The following WDR3 variants were observed in gnomAD, a reference collection of about 807,000 sequenced individuals.
WDR3 encodes the protein WD repeat domain 3, also known as WD repeat-containing protein 3.
Under a neutral mutation model 123.7 loss-of-function variants are expected in WDR3, and 81 were observed. The ratio of observed to expected loss-of-function variants is 0.65; its 90% CI spans 0.55 to 0.79. The LOEUF (loss-of-function observed/expected upper bound fraction) is 0.79. WDR3 is among the 30% of genes least tolerant of loss of function. The pLI is 0.00. For missense variants in WDR3, 1,027 were observed against 1,123.2 expected (o/e 0.91, Z 1.22); for synonymous variants, 390 against 388.8 (o/e 1.00, Z -0.04).
chr1:117,946,356 AT>A (rs1204716151), intron 12 of WDR3, among the ~76,000 whole-genome samples, 177 bp downstream of exon 12: 2 of 152,216 alleles, frequency 1.3e-5, no homozygotes, highest in Non-Finnish European at 2.9e-5. Flanking sequence ...TTTAAAAATT[AT>A]GAAGAAGAAA....
rs192519081 is a variant in WDR3 at position 117,942,591 on chromosome 1, A to G, written c.1097+47A>G. 1,110 of 1,540,626 alleles carry G rather than the reference A, an allele frequency of 7.2e-4. 9 individuals carry two copies. In the African/African-American group the frequency reaches 0.013, roughly 19 times the overall value. On this transcript the variant is annotated intron_variant, in intron 10 of 26. Transcript: ENST00000349139. ...GAAGTTATAGAAATAGTAAGCTACC[A>G]AGTATTATTGGCTTTTTCATGCTAT...
rs1557826241 is a variant in WDR3, at chr1:117,954,628, G to A, written c.2409+1G>A. The A allele has an allele frequency of 1.2e-6, 2 of 1,612,094 alleles. No homozygotes were observed. Among genetic ancestry groups the A allele is most frequent in the South Asian group, 2.2e-5 (2 of 90,724 alleles). The stretch of plus-strand genomic sequence containing the variant: ...CCTAATGGCTTATGGCAGTATCTCA[G>A]TGAGTAAAATGTCTAACGGTTTTCC... On this transcript the variant is annotated splice_donor_variant, in intron 23 of 26. Coordinates refer to ENST00000349139, the MANE Select transcript of WDR3 (RefSeq NM_006784.3). LOFTEE classifies it high-confidence loss of function.
At chr1:117,955,386 G>A (rs1210309506) in intron 24 of WDR3, 28 bp downstream of exon 24, 11 of 1,607,160 alleles carry the variant, frequency 6.8e-6, no homozygotes, top group Middle Eastern at 1.7e-4. Flanking sequence ...CACAATTTTT[G>A]TAATCTGTCA....
At chr1:117,957,340 G>A in intron 25 of WDR3, 144 bp downstream of exon 25, 1 of 1,058,434 alleles carries the variant, frequency 9.4e-7, no homozygotes, top group Non-Finnish European at 1.3e-6. Context: ...ACTTTGGGAG[G>A]CTGAGGTGGG....
At chr1:117,932,175 G>A (rs1441904481) in intron 1 of WDR3, among the ~76,000 whole-genome samples, 1 of 152,178 alleles carries the variant, frequency 6.6e-6, no homozygotes, top group African/African-American at 2.4e-5. Flanking sequence ...GTGGATTATG[G>A]ATTTTCAGTG....
chr1:117,950,029 G>C lies in WDR3; in HGVS notation c.1645G>C (p.Asp549His). 4 of 1,613,968 alleles carry C rather than the reference G, an allele frequency of 2.5e-6. No homozygotes were observed. Among genetic ancestry groups the C allele is most frequent in the South Asian group, 1.1e-5 (1 of 91,072 alleles). Residue 549 changes from aspartate (D) to histidine (H), a missense_variant, in exon 15 of 27, where the codon GAT (aspartate) becomes CAT (histidine). Physicochemically the swap from Asp to His is moderately conservative, Grantham distance 81 (BLOSUM62 -1). Coordinates refer to ENST00000349139, the MANE Select transcript of WDR3 (RefSeq NM_006784.3). ...GAAGCAAACCCGAACTTTGCAACTA[G>C]ATGAAGATGTTCTGTGTGTCAGTTA... ...SVKQTRTLQL[D>H]EDVLCVSYSP...
Position 117,959,322 on chromosome 1 carries a change from G to A in WDR3, c.2707G>A (p.Asp903Asn), listed in dbSNP as rs772509172. 6.2e-7 allele frequency: 1 copy of A among 1,612,820 alleles called. No homozygotes were observed. The highest frequency in any genetic ancestry group is 2.2e-5 in the East Asian group (1 of 44,842). Reference protein sequence around the residue: ...DVIGFNMAGLDYLKRECEAKS... With the variant: ...DVIGFNMAGLNYLKRECEAKS... ...TATCGGCTTCAATATGGCTGGTCTT[G>A]ATTATCTCAAGAGGGAATGCGAGGC... The change falls in exon 27 of 27, where the codon GAT (aspartate) becomes AAT (asparagine). Residue 903 changes from aspartate to asparagine, a missense_variant. Coordinates refer to ENST00000349139, the MANE Select transcript of WDR3 (RefSeq NM_006784.3).
At chr1:117,930,864 G>A (rs1438657040) in intron 1 of WDR3, among the ~76,000 whole-genome samples, 2 of 152,216 alleles carry the variant, frequency 1.3e-5, no homozygotes, top group Admixed American at 1.3e-4. Context: ...CTTTGAGTTA[G>A]CAATTTGCCA....
At chr1:117,934,203 T>G (rs1336301586) in intron 2 of WDR3, among the ~76,000 whole-genome samples, 2 of 152,232 alleles carry the variant, frequency 1.3e-5, no homozygotes, top group Non-Finnish European at 2.9e-5. Context: ...TTAAATTTAT[T>G]TTATTGCCTA....
intron 3 of WDR3, among the ~76,000 whole-genome samples, chr1:117,935,262 T>G (rs1650873653): frequency 6.6e-6 from 1 of 152,206 alleles, no homozygotes. Flanking sequence ...CATATGTTTA[T>G]ATAGATACAG....
intron 1 of WDR3, among the ~76,000 whole-genome samples, chr1:117,931,636 C>G (rs949258298): frequency 6.6e-6 from 1 of 152,156 alleles, no homozygotes; most frequent in East Asian, 1.9e-4. Context: ...AGTCCCTGGA[C>G]CTAGGCATGC....
In WDR3 at chr1:117,952,039, G is replaced by A; in HGVS notation, c.1867G>A (p.Gly623Arg). The A allele has an allele frequency of 6.2e-7, 1 of 1,613,440 alleles. No homozygotes were observed. Among genetic ancestry groups the A allele is most frequent in the Non-Finnish European group, 8.5e-7 (1 of 1,179,454 alleles). The change falls in exon 17 of 27, where the codon GGG becomes AGG. Residue 623 changes from glycine to arginine, a missense_variant. Transcript: ENST00000349139. ...RNVKIWGLDFGDCHKSLFAHD... is the reference protein window; with the variant it reads ...RNVKIWGLDFRDCHKSLFAHD... Reference sequence around the variant, plus strand: ...TGTGAAAATCTGGGGTTTGGACTTTGGGGACTGCCACAAGTCTCTCTTTGC... The same window carrying A: ...TGTGAAAATCTGGGGTTTGGACTTTAGGGACTGCCACAAGTCTCTCTTTGC...
chr1:117,935,088 A>G (rs1650865644), intron 3 of WDR3, among the ~76,000 whole-genome samples: 2 of 152,252 alleles, frequency 1.3e-5, no homozygotes, highest in South Asian at 4.1e-4. Flanking sequence ...GATTCCATTC[A>G]CAACAGATTA....
At chr1:117,941,027 G>A in intron 7 of WDR3, 87 bp downstream of exon 7, 3 of 1,573,532 alleles carry the variant, frequency 1.9e-6, no homozygotes, top group Admixed American at 1.8e-5. Context: ...TCACTTTAGG[G>A]AATATTTTTG....
intron 17 of WDR3, 74 bp downstream of exon 17, chr1:117,952,150 A>T: frequency 3.9e-6 from 6 of 1,537,116 alleles, no homozygotes; most frequent in Non-Finnish European, 5.4e-6. Context: ...ATCTGTGTCT[A>T]TTTTTCAGTG....
intron 13 of WDR3, 32 bp from the exon 14 acceptor site, chr1:117,949,719 A>G (rs1327809338): frequency 1.2e-6 from 2 of 1,605,738 alleles, no homozygotes; most frequent in African/African-American, 2.7e-5. Context: ...ATGCTAAAAT[A>G]GTTTTTAATT....
Position 117,942,555 on chromosome 1 carries a change from A to G in WDR3, c.1097+11A>G. ...TTCTGCCAAAATCAAGTGAGTAAAAATAAATTATCTGAAGTTATAGAAATA... is the reference window on the plus strand; with the variant it reads ...TTCTGCCAAAATCAAGTGAGTAAAAGTAAATTATCTGAAGTTATAGAAATA... On this transcript the variant is annotated intron_variant, in intron 10 of 26. Coordinates refer to ENST00000349139, the MANE Select transcript of WDR3 (RefSeq NM_006784.3). The G allele has an allele frequency of 6.2e-7, 1 of 1,605,728 alleles. No homozygotes were observed. Among genetic ancestry groups the G allele is most frequent in the Non-Finnish European group, 8.5e-7 (1 of 1,173,134 alleles).
chr1:117,946,289 A>T, intron 12 of WDR3, 110 bp downstream of exon 12: 1 of 711,790 alleles, frequency 1.4e-6, no homozygotes, highest in Middle Eastern at 3.0e-4. Context: ...GGAGCTAAGT[A>T]ATCTGGGAGG....
rs1046824327 is a variant in WDR3 at position 117,960,146 on chromosome 1, G to C, written c.*699G>C. ...TGTGTGTGTGTGTGTGTGTGTGTGT[G>C]TATGTGTATGTGTATGTACACATAC... On this transcript the variant is annotated 3_prime_UTR_variant, in exon 27 of 27. Transcript: ENST00000349139. 6 of 119,004 alleles carry C rather than the reference G, an allele frequency of 5.0e-5. No individual in the cohort carries two copies. The highest frequency in any genetic ancestry group is 1.1e-4 in the Non-Finnish European group (6 of 56,154). 7.4% of individuals were successfully genotyped at this position (119,004 alleles called of 1,614,324 possible).
Sources: gnomAD v4.1 joint callset for allele counts (sites outside exome capture counted in the v4.1 genomes callset) on GRCh38, gnomAD v4.1.1 for gene constraint, MANE v1.5 for transcripts, NCBI Gene and HGNC (gene_info 2026-07-23, HGNC 2026-07-21) for gene names.